Variants in NEDD9 observed in about 807,000 individuals in gnomAD.
NEDD9 encodes the protein enhancer of filamentation 1.
A neutral mutation model predicts 76.6 loss-of-function variants in NEDD9; 26 were observed. That is an observed-to-expected ratio of 0.34 (90% confidence interval 0.25 to 0.47). The LOEUF (loss-of-function observed/expected upper bound fraction) is 0.47. Ranked by LOEUF, NEDD9 falls within the 20% of genes least tolerant of loss-of-function variation. The pLI is 1.00. For missense variants in NEDD9, 937 were observed against 1,058.5 expected, an observed-to-expected ratio of 0.89 and a Z score of 1.59; for synonymous variants, 392 against 414.2, an observed-to-expected ratio of 0.95 and a Z score of 0.65.
chr6:11,321,148 AGAAG>A (rs992164917), intron 2 of NEDD9, among the ~76,000 whole-genome samples: 2 of 98,018 alleles, frequency 2.0e-5, no homozygotes, highest in Non-Finnish European at 4.1e-5. Flanking sequence ...AGGGAGGGAC[AGAAG>A]GAAGGAGGGA....
chr6:11,330,813 A>G (rs1176040994), intron 2 of NEDD9, among the ~76,000 whole-genome samples: 1 of 152,202 alleles, frequency 6.6e-6, no homozygotes, highest in East Asian at 1.9e-4. Context: ...AATTCTGGAT[A>G]AGTCCATGAA....
Position 11,296,136 on chromosome 6 carries a change from C to A in NEDD9, c.12+9856G>T, listed in dbSNP as rs748170421. Among the ~76,000 whole-genome samples the A allele has an allele frequency of 3.8e-4, 58 of 152,216 alleles. 1 individual carries two copies. The Middle Eastern group carries it at 0.02, about 54-fold the overall frequency. ...AGGGAGAAGATGAAGGTCTACAAGT[C>A]AAGGAGAGAGGCTTCAGGAGAAATC... On this transcript the variant is annotated intron_variant, in intron 3 of 3. Coordinates refer to the NEDD9 transcript ENST00000397378.
At chr6:11,203,569 T>C (rs1758518270) in intron 2 of NEDD9, among the ~76,000 whole-genome samples, 1 of 152,158 alleles carries the variant, frequency 6.6e-6, no homozygotes, top group Admixed American at 6.5e-5. Context: ...GCTCTGAAGG[T>C]GGTTGTCGTG....
intron 2 of NEDD9, among the ~76,000 whole-genome samples, chr6:11,331,284 G>A (rs186275018): frequency 4.0e-5 from 6 of 149,738 alleles, no homozygotes; most frequent in East Asian, 2.0e-4. Flanking sequence ...CCAGAGAGAC[G>A]CAAGTTGAGA....
intron 3 of NEDD9, among the ~76,000 whole-genome samples, chr6:11,260,894 CTGTGTGTGTGTG>C (rs34568873): frequency 6.7e-6 from 1 of 148,808 alleles, no homozygotes; most frequent in African/African-American, 2.5e-5. Flanking sequence ...GTGTGTGAGC[CTGTGTGTGTGTG>C]TGTGTGTGTG....
chr6:11,345,055 T>C (rs1762340101), intron 1 of NEDD9, among the ~76,000 whole-genome samples: 1 of 152,190 alleles, frequency 6.6e-6, no homozygotes, highest in Non-Finnish European at 1.5e-5. Flanking sequence ...GGTATTTTTG[T>C]AAGATCTTGT....
At chr6:11,361,409 G>T (rs1762677547) in intron 1 of NEDD9, among the ~76,000 whole-genome samples, 1 of 152,164 alleles carries the variant, frequency 6.6e-6, no homozygotes, top group Non-Finnish European at 1.5e-5. Context: ...AGGTAGAGTA[G>T]GAGCAGGTAC....
At chr6:11,358,944 G>T (rs1332921732) in intron 1 of NEDD9, among the ~76,000 whole-genome samples, 1 of 152,206 alleles carries the variant, frequency 6.6e-6, no homozygotes, top group East Asian at 1.9e-4. Context: ...TATCATGGGG[G>T]AGAGGCAAAC....
At chr6:11,293,661 G>A (rs1760826216) in intron 3 of NEDD9, among the ~76,000 whole-genome samples, 2 of 151,438 alleles carry the variant, frequency 1.3e-5, no homozygotes, top group Non-Finnish European at 2.9e-5. Flanking sequence ...AAGATCTACT[G>A]TGGTAGCAAG....
intron 3 of NEDD9, among the ~76,000 whole-genome samples, chr6:11,240,784 ATTAAC>A (rs1356181064): frequency 6.6e-6 from 1 of 152,250 alleles, no homozygotes; most frequent in Non-Finnish European, 1.5e-5. Context: ...ACTTGGATGA[ATTAAC>A]TTAAAGGTGA....
chr6:11,345,483 T>C (rs764174386), intron 1 of NEDD9, among the ~76,000 whole-genome samples: 2 of 152,084 alleles, frequency 1.3e-5, no homozygotes, highest in African/African-American at 2.4e-5. Flanking sequence ...TGTGTGTGTG[T>C]GCTACATTTG....
intron 1 of NEDD9, among the ~76,000 whole-genome samples, chr6:11,373,344 A>G (rs923818635): frequency 6.6e-6 from 1 of 152,234 alleles, no homozygotes; most frequent in African/African-American, 2.4e-5. Context: ...TGGTCATCAT[A>G]TAATTTAGAC....
chr6:11,227,776 AAGTAAGGT>A (rs1561797553), intron 1 of NEDD9, among the ~76,000 whole-genome samples: 2 of 148,934 alleles, frequency 1.3e-5, no homozygotes, highest in South Asian at 2.2e-4. Context: ...AGAGGTCAAT[AAGTAAGGT>A]AGTGCTAACA....
At chr6:11,346,968 A>T (rs73722904) in intron 1 of NEDD9, among the ~76,000 whole-genome samples, 1 of 151,304 alleles carries the variant, frequency 6.6e-6, no homozygotes, top group Non-Finnish European at 1.5e-5. Context: ...CTATGCTCCA[A>T]CCCCTTCCCC....
intron 2 of NEDD9, among the ~76,000 whole-genome samples, chr6:11,327,043 C>A (rs1395883303): frequency 2.0e-5 from 3 of 152,152 alleles, no homozygotes; most frequent in Non-Finnish European, 4.4e-5. Context: ...AACTGGATTT[C>A]TTTTGAGAGC....
chr6:11,342,159 T>C lies in NEDD9; in HGVS notation c.-213-7598A>G, dbSNP rs189719987. On this transcript the variant is annotated intron_variant, in intron 1 of 3. Coordinates refer to the NEDD9 transcript ENST00000397378. ...AAATCTGAAGAACAGAAATAAAAAA[T>C]ATTAAGGAAAAAATGAACAAAGGGT... is the stretch of plus-strand genomic sequence containing the variant. Among the ~76,000 whole-genome samples, 653 of 151,764 alleles carry C rather than the reference T, an allele frequency of 4.3e-3. 2 individuals are homozygous for C. Among genetic ancestry groups the C allele is most frequent in the African/African-American group, 0.015 (620 of 41,384 alleles).
At chr6:11,349,099 A>G (rs1762416780) in intron 1 of NEDD9, among the ~76,000 whole-genome samples, 1 of 152,202 alleles carries the variant, frequency 6.6e-6, no homozygotes, top group African/African-American at 2.4e-5. Context: ...GCCATTAAAA[A>G]TTTGGCAAAG....
At chr6:11,280,942 G>A (rs1760523904) in intron 3 of NEDD9, among the ~76,000 whole-genome samples, 1 of 152,200 alleles carries the variant, frequency 6.6e-6, no homozygotes, top group Admixed American at 6.5e-5. Flanking sequence ...AAGTCATGGG[G>A]ATTTTATATT....
intron 3 of NEDD9, among the ~76,000 whole-genome samples, chr6:11,254,147 G>T (rs1257256474): frequency 6.6e-6 from 1 of 151,880 alleles, no homozygotes; most frequent in Non-Finnish European, 1.5e-5. Context: ...CTGAGATGGA[G>T]TCTCGCTCTG....
Sources: allele counts gnomAD v4.1 joint callset (sites outside exome capture counted in the v4.1 genomes callset), GRCh38; gene constraint gnomAD v4.1.1; transcripts MANE v1.5; gene names NCBI Gene and HGNC (gene_info 2026-07-23, HGNC 2026-07-21).